Variants in CAPG observed in about 807,000 individuals in gnomAD.
CAPG encodes macrophage-capping protein.
Under a neutral mutation model 44.6 loss-of-function variants are expected in CAPG, and 32 were observed. That is an observed-to-expected ratio of 0.72 (90% CI 0.54 to 0.96). The LOEUF (loss-of-function observed/expected upper bound fraction) is 0.96, where lower values mean the gene tolerates loss of function less well. Among genes scored for constraint, CAPG ranks in the 50% least tolerant of loss-of-function variants. CAPG has a pLI of 0.00. For missense variants in CAPG, 412 were observed against 438.3 expected (o/e 0.94, Z 0.54); for synonymous variants, 175 against 179.6 (o/e 0.97, Z 0.20).
Position 85,401,915 on chromosome 2 carries a change from A to C in CAPG, c.66T>G (p.His22Gln), listed in dbSNP as rs754174223. Residue 22 changes from histidine to glutamine, a missense_variant, in exon 3 of 10, where the codon CAT becomes CAG. Transcript: ENST00000263867. ...FPGSVQDPGL[H>Q]VWRVEKLKPV... ...GCTTCAGCTTCTCCACCCGCCACAC[A>C]TGCAGGCCTGGATCCTGCACTGAGC... 6 of 1,613,878 alleles carry C rather than the reference A, an allele frequency of 3.7e-6. No homozygotes were observed. The highest frequency in any genetic ancestry group is 5.1e-6 in the Non-Finnish European group (6 of 1,180,004).
At chr2:85,399,098 G>A in intron 6 of CAPG, 38 bp downstream of exon 6, 2 of 1,606,490 alleles carry the variant, frequency 1.2e-6, no homozygotes, top group Non-Finnish European at 1.7e-6. Context: ...CCACTTTCAA[G>A]CAGAGGCTCC....
At chr2:85,397,828 G>A (rs1380758166) in intron 8 of CAPG, among the ~76,000 whole-genome samples, 192 bp downstream of exon 8, 1 of 152,114 alleles carries the variant, frequency 6.6e-6, no homozygotes, top group Non-Finnish European at 1.5e-5. Flanking sequence ...TACCATCCTG[G>A]GCAACATAGA....
At chr2:85,411,136 G>A (rs948815127), upstream of CAPG, among the ~76,000 whole-genome samples, 9 of 152,168 alleles carry the variant, frequency 5.9e-5, no homozygotes, top group Admixed American at 1.3e-4. Flanking sequence ...GATTACAGGC[G>A]TGGGCTACTG....
chr2:85,400,534 C>T (rs1326819835), intron 5 of CAPG, among the ~76,000 whole-genome samples: 2 of 152,176 alleles, frequency 1.3e-5, no homozygotes, highest in Non-Finnish European at 2.9e-5. Flanking sequence ...CTGCTCCTGT[C>T]CCCCAGCCCG....
At chr2:85,419,156 G>C (rs1339552054), upstream of CAPG, 4 of 152,436 alleles carry the variant, frequency 2.6e-5, no homozygotes, top group Non-Finnish European at 5.9e-5. Context: ...TCCAGGTCAG[G>C]GATGTAGGTC....
upstream of CAPG, chr2:85,419,329 A>T (rs1057089630): frequency 6.6e-6 from 1 of 152,338 alleles, no homozygotes; most frequent in Non-Finnish European, 1.5e-5. Context: ...CTCACACCTC[A>T]GGGTCAAATG....
chr2:85,417,552 G>A (rs912382035), intron 1 of CAPG, among the ~76,000 whole-genome samples: 4 of 147,290 alleles, frequency 2.7e-5, no homozygotes, highest in South Asian at 2.1e-4. Flanking sequence ...GCACCATCTC[G>A]GCTCACTGCA....
Position 85,416,288 on chromosome 2 carries a change from A to C in CAPG, c.-14+1979T>G, listed in dbSNP as rs941205832. ...GAAATTGCAAAAGATTCTTCCTAGC[A>C]AGTTCTCGACCTGTCTTCTAACTAC... On this transcript the variant is annotated intron_variant, in intron 1 of 5. Transcript: ENST00000409275. Among the ~76,000 whole-genome samples, 6 of 152,156 alleles carry C rather than the reference A, an allele frequency of 3.9e-5. No individual in the cohort carries two copies. In the South Asian group the frequency reaches 6.2e-4, roughly 16 times the overall value.
upstream of CAPG, chr2:85,418,450 G>C (rs1263755069): frequency 6.6e-6 from 1 of 152,244 alleles, no homozygotes; most frequent in Non-Finnish European, 1.5e-5. Flanking sequence ...CCCGGCCCCA[G>C]CCTGGGCCCT....
intron 5 of CAPG, 30 bp downstream of exon 5, chr2:85,401,135 C>G: frequency 1.2e-6 from 2 of 1,606,078 alleles, no homozygotes; most frequent in South Asian, 2.2e-5. Context: ...GGTGCCAATA[C>G]GGAGTGCTCA....
intron 7 of CAPG, 174 bp from the exon 8 acceptor site, chr2:85,398,326 C>A: frequency 1.4e-6 from 1 of 697,950 alleles, no homozygotes. Context: ...TCCAGGCAGC[C>A]CCACTCCCTC....
intron 8 of CAPG, chr2:85,396,142 T>C (rs1319920558): frequency 6.5e-6 from 1 of 153,650 alleles, no homozygotes; most frequent in Non-Finnish European, 1.4e-5. Context: ...TCCAGTCATT[T>C]CTGCTAGCAG....
At position 85,395,419 on chromosome 2, in the gene CAPG, G is replaced by A. The variant is rs1362938737; in HGVS notation, c.981+119C>T. 5 of 735,792 alleles carry A rather than the reference G, an allele frequency of 6.8e-6. No individual in the cohort carries two copies. Among genetic ancestry groups the A allele is most frequent in the Non-Finnish European group, 1.2e-5 (5 of 415,108 alleles). The allele number at this position is 735,792 out of a possible 1,614,324, so 45.6% of individuals were successfully genotyped here. Reference sequence around the variant, plus strand: ...TTTCCCACTGGATGGGTCTAAGAGGGAGGCCTGGTTGTTCCTGACAGTGCC... The same window carrying A: ...TTTCCCACTGGATGGGTCTAAGAGGAAGGCCTGGTTGTTCCTGACAGTGCC... On this transcript the variant is annotated intron_variant, in intron 9 of 9. Transcript: ENST00000263867. The surrounding 1 kb of genome is among the most constrained non-coding windows in gnomAD (Gnocchi z 4.3).
chr2:85,403,927 A>G (rs1293930917), intron 1 of CAPG, among the ~76,000 whole-genome samples: 1 of 151,606 alleles, frequency 6.6e-6, no homozygotes, highest in African/African-American at 2.4e-5. Context: ...AAATTTTAGC[A>G]AATGAAATCA....
rs1169645540 is a variant in CAPG, at chr2:85,401,681, G to A, written c.199C>T (p.Gln67Ter). The change falls in exon 4 of 10, where the codon CAG (glutamine) becomes TAG (stop). Residue 67 changes from glutamine (Q) to a stop codon, truncating the protein, a stop_gained and splice_region_variant. Transcript: ENST00000263867. LOFTEE classifies it high-confidence loss of function. ...CCCTGCTCATCCCGGGATGACTGCT[G>A]GCCTGGGACAAGTGGGAGAGGGCAG... Reference protein sequence around the residue: ...EVSHLHLWIGQQSSRDEQGAC... With the variant: ...EVSHLHLWIG 1 of 1,614,156 alleles carries A rather than the reference G, an allele frequency of 6.2e-7. No homozygotes were observed. Among genetic ancestry groups the A allele is most frequent in the South Asian group, 1.1e-5 (1 of 91,068 alleles).
In CAPG at chr2:85,398,775, C is replaced by T; in HGVS notation, c.674G>A (p.Gly225Asp). 1 of 1,602,626 alleles carries T rather than the reference C, an allele frequency of 6.2e-7. No homozygotes were observed. Among genetic ancestry groups the T allele is most frequent in the African/African-American group, 1.3e-5 (1 of 74,916 alleles). ...GCCCTCCTTCAGAGCAGGCTTGGGG[C>T]CCAGGACCTGCAGGGGCCAGGGCAG... is the stretch of plus-strand genomic sequence containing the variant. ...EEPAEMIQVL[G>D]PKPALKEGNP... Residue 225 changes from glycine (G) to aspartate (D), a missense_variant, in exon 7 of 10, where the codon GGC becomes GAC. Gly to Asp is a moderately conservative substitution (Grantham distance 94). Coordinates refer to ENST00000263867, the MANE Select transcript of CAPG (RefSeq NM_001747.4).
intron 5 of CAPG, 28 bp downstream of exon 5, chr2:85,401,137 G>T: frequency 6.2e-7 from 1 of 1,607,914 alleles, no homozygotes; most frequent in South Asian, 1.1e-5. Flanking sequence ...TGCCAATACG[G>T]AGTGCTCAGT....
intron 6 of CAPG, 123 bp downstream of exon 6, chr2:85,399,013 A>G: frequency 8.8e-7 from 1 of 1,135,538 alleles, no homozygotes; most frequent in Non-Finnish European, 1.3e-6. Flanking sequence ...CCACAGCCCT[A>G]GGCAGTACAC....
chr2:85,401,801 A>C lies in CAPG; in HGVS notation c.180T>G (p.His60Gln), dbSNP rs768077096. ...VLHNGPEEVS[H>Q]LHLWIGQQSS... Reference sequence around the variant, plus strand: ...TCCCCTTACCTATCCACAGGTGCAGATGGGAAACCTCTTCTGGGCCATTGT... The same window carrying C: ...TCCCCTTACCTATCCACAGGTGCAGCTGGGAAACCTCTTCTGGGCCATTGT... Residue 60 changes from histidine (H) to glutamine (Q), a missense_variant, in exon 3 of 10, where the codon CAT (histidine) becomes CAG (glutamine). Physicochemically the swap from His to Gln is conservative, Grantham distance 24. Coordinates refer to ENST00000263867, the MANE Select transcript of CAPG (RefSeq NM_001747.4). 1 of 1,613,788 alleles carries C rather than the reference A, an allele frequency of 6.2e-7. No individual in the cohort carries two copies. The highest frequency in any genetic ancestry group is 8.5e-7 in the Non-Finnish European group (1 of 1,179,898).
Sources: allele counts gnomAD v4.1 joint callset (sites outside exome capture counted in the v4.1 genomes callset), GRCh38; gene constraint gnomAD v4.1.1; non-coding constraint Gnocchi (gnomAD v3.1); transcripts MANE v1.5; gene names NCBI Gene and HGNC (gene_info 2026-07-23, HGNC 2026-07-21).